Variants in ADAM18 observed in about 807,000 individuals in gnomAD.
The protein encoded by ADAM18 is ADAM metallopeptidase domain 18.
In ADAM18, 117 loss-of-function variants were observed where a neutral mutation model predicts 94.4. That is an observed-to-expected ratio of 1.24 (90% CI 1.07 to 1.45). The LOEUF (loss-of-function observed/expected upper bound fraction) is 1.45, where lower values mean the gene tolerates loss of function less well. Among genes scored for constraint, ADAM18 ranks in the 40% most tolerant of loss-of-function variants. The pLI is 0.00. For synonymous variants in ADAM18, 327 were observed against 291.6 expected, an observed-to-expected ratio of 1.12 and a Z score of -1.24; for missense variants, 936 against 880.0, an observed-to-expected ratio of 1.06 and a Z score of -0.81.
intron 2 of ADAM18, among the ~76,000 whole-genome samples, chr8:39,591,576 C>T (rs894151966): frequency 6.6e-6 from 1 of 152,144 alleles, no homozygotes; most frequent in African/African-American, 2.4e-5. Flanking sequence ...CTTCAGCCTC[C>T]ACTCCTAATT....
intron 6 of ADAM18, among the ~76,000 whole-genome samples, chr8:39,627,080 G>A: frequency 6.6e-6 from 1 of 152,030 alleles, no homozygotes; most frequent in East Asian, 1.9e-4. Context: ...GAGCACCAAA[G>A]TTAGATTATA....
intron 17 of ADAM18, among the ~76,000 whole-genome samples, chr8:39,693,019 A>G (rs1821823706): frequency 6.6e-6 from 1 of 151,660 alleles, no homozygotes; most frequent in African/African-American, 2.4e-5. Context: ...TTTACAGAGT[A>G]TACTTAAAAA....
chr8:39,587,104 T>C (rs1165055084), intron 2 of ADAM18, among the ~76,000 whole-genome samples: 1 of 152,226 alleles, frequency 6.6e-6, no homozygotes, highest in East Asian at 1.9e-4. Context: ...ATATCTAACG[T>C]AGACATTTTC....
intron 3 of ADAM18, among the ~76,000 whole-genome samples, chr8:39,607,880 T>G (rs1239673714): frequency 6.6e-6 from 1 of 151,926 alleles, no homozygotes; most frequent in African/African-American, 2.4e-5. Flanking sequence ...TTAAATACCA[T>G]CCACATGTTG....
At chr8:39,663,312 G>A (rs1347372968) in intron 12 of ADAM18, among the ~76,000 whole-genome samples, 1 of 151,660 alleles carries the variant, frequency 6.6e-6, no homozygotes, top group Non-Finnish European at 1.5e-5. Context: ...AATAGGGTCT[G>A]GCATGGTGGC....
chr8:39,663,530 T>C (rs1820902920), intron 12 of ADAM18, among the ~76,000 whole-genome samples: 2 of 142,298 alleles, frequency 1.4e-5, no homozygotes, highest in African/African-American at 2.6e-5. Context: ...ATCTCACTGG[T>C]TGAGGCTGCA....
At chr8:39,691,147 T>A (rs1172975638) in intron 16 of ADAM18, among the ~76,000 whole-genome samples, 4 of 152,168 alleles carry the variant, frequency 2.6e-5, no homozygotes, top group Admixed American at 6.5e-5. Context: ...AAATCACTGC[T>A]TAATGTTTTT....
rs1273771086 is a variant in ADAM18 at position 39,621,686 on chromosome 8, T to C, written c.523-7688T>C. 2.0e-5 allele frequency among the ~76,000 whole-genome samples: 3 copies of C among 152,084 alleles called. No individual in the cohort carries two copies. The East Asian group carries it at 5.8e-4, about 29-fold the overall frequency. On this transcript the variant is annotated intron_variant, in intron 6 of 19. Coordinates refer to ENST00000265707, the MANE Select transcript of ADAM18 (RefSeq NM_014237.3). ...GACATGGAATCAACCTAAATGCCCA[T>C]CAGTAATACACTGGATAAAGAAAAT...
chr8:39,729,892 C>T lies in ADAM18; in HGVS notation c.2178-6C>T. 4 of 1,612,370 alleles carry T rather than the reference C, an allele frequency of 2.5e-6. No individual in the cohort carries two copies. The highest frequency in any genetic ancestry group is 3.4e-6 in the Non-Finnish European group (4 of 1,178,512). The stretch of plus-strand genomic sequence containing the variant: ...TTTCTATTTTTTCTGTTTTTCTTCA[C>T]TATAGTAATTCATCCGTTGTATCAG... On this transcript the variant is annotated splice_polypyrimidine_tract_variant and splice_region_variant and intron_variant, in intron 19 of 19. Coordinates refer to ENST00000265707, the MANE Select transcript of ADAM18 (RefSeq NM_014237.3).
chr8:39,671,088 C>T (rs746875367), intron 14 of ADAM18, among the ~76,000 whole-genome samples: 21 of 152,184 alleles, frequency 1.4e-4, no homozygotes, highest in Non-Finnish European at 2.8e-4. Context: ...TAGCCTTCAT[C>T]GTATGCCTCA....
chr8:39,667,401 CA>C (rs377507911), intron 13 of ADAM18, among the ~76,000 whole-genome samples: 1,594 of 54,018 alleles, frequency 0.03, 12 homozygotes, highest in Middle Eastern at 0.057. Context: ...AACTCCATCT[CA>C]AAAAAAAAAA....
At chr8:39,700,902 C>T (rs1822050594) in intron 17 of ADAM18, among the ~76,000 whole-genome samples, 1 of 151,216 alleles carries the variant, frequency 6.6e-6, no homozygotes, top group African/African-American at 2.4e-5. Flanking sequence ...ATCACGAGGT[C>T]AGGAGATCGA....
In ADAM18 at chr8:39,629,437, T is replaced by A; in HGVS notation, c.586T>A (p.Leu196Met). Residue 196 changes from leucine (L) to methionine (M), a missense_variant and splice_region_variant, in exon 7 of 20, where the codon TTG (leucine) becomes ATG (methionine). Coordinates refer to ENST00000265707, the MANE Select transcript of ADAM18 (RefSeq NM_014237.3). The part of the protein sequence containing the change: ...LEIYIIVEKA[L>M]YDYMGSEMMA... ...AATATACATTATAGTGGAAAAAGCT[T>A]TGGTAAGTATGCTTTCAAGAGGTCT... 1 of 1,574,316 alleles carries A rather than the reference T, an allele frequency of 6.4e-7. No individual in the cohort carries two copies. The highest frequency in any genetic ancestry group is 1.2e-5 in the South Asian group (1 of 84,560).
chr8:39,706,151 G>C (rs1462231571), intron 17 of ADAM18, among the ~76,000 whole-genome samples: 3 of 151,948 alleles, frequency 2.0e-5, no homozygotes, highest in Admixed American at 6.6e-5. Context: ...TAATACAAAG[G>C]CATGAATAAT....
chr8:39,690,677 A>G (rs1821747329), intron 16 of ADAM18, among the ~76,000 whole-genome samples: 1 of 152,160 alleles, frequency 6.6e-6, no homozygotes, highest in Non-Finnish European at 1.5e-5. Context: ...GTACCCATTA[A>G]AAAATAAATC....
intron 10 of ADAM18, among the ~76,000 whole-genome samples, chr8:39,644,410 C>T (rs1384885136): frequency 2.0e-5 from 3 of 152,150 alleles, no homozygotes; most frequent in African/African-American, 7.2e-5. Flanking sequence ...CCTGCCTTCT[C>T]CCAAATAGCT....
intron 4 of ADAM18, 74 bp from the exon 5 acceptor site, chr8:39,609,411 C>A: frequency 2.0e-6 from 2 of 986,668 alleles, no homozygotes; most frequent in Non-Finnish European, 3.2e-6. Flanking sequence ...TATTTTGAAT[C>A]TTCTGACATG....
At chr8:39,722,797 G>A (rs1357714340) in intron 18 of ADAM18, among the ~76,000 whole-genome samples, 2 of 151,562 alleles carry the variant, frequency 1.3e-5, no homozygotes, top group African/African-American at 4.8e-5. Context: ...GATTTTCTTT[G>A]GGAAAGACAG....
chr8:39,620,357 C>CAAAAAAAAAAAAAAA (rs61555393), intron 6 of ADAM18, among the ~76,000 whole-genome samples: 95 of 90,536 alleles, frequency 1.0e-3, no homozygotes, highest in East Asian at 1.4e-3. Flanking sequence ...GCAACAAAAG[C>CAAAAAAAAAAAAAAA]AAAAAAAAAA....
Sources: gnomAD v4.1 joint callset for allele counts (sites outside exome capture counted in the v4.1 genomes callset) on GRCh38, gnomAD v4.1.1 for gene constraint, MANE v1.5 for transcripts, NCBI Gene and HGNC (gene_info 2026-07-23, HGNC 2026-07-21) for gene names.